ADAMTS17: variants seen among roughly 807,000 people sequenced by gnomAD.
ADAMTS17 encodes ADAM metallopeptidase with thrombospondin type 1 motif 17, also known as A disintegrin and metalloproteinase with thrombospondin motifs 17.
A neutral mutation model predicts 141.5 loss-of-function variants in ADAMTS17; 113 were observed. The ratio of observed to expected loss-of-function variants is 0.80; its 90% CI spans 0.69 to 0.93. The LOEUF (loss-of-function observed/expected upper bound fraction) is 0.93. Ranked by LOEUF, ADAMTS17 falls within the 40% of genes least tolerant of loss-of-function variation. The pLI is 0.00. For synonymous variants in ADAMTS17, 768 were observed against 630.6 expected (o/e 1.22, Z -3.27); for missense variants, 1,659 against 1,517.9 (o/e 1.09, Z -1.54).
At position 100,140,452 on chromosome 15, in the gene ADAMTS17, GAC is replaced by G. The variant is rs140696533; in HGVS notation, c.1474-7139_1474-7138del. 3.5e-3 allele frequency among the ~76,000 whole-genome samples: 461 copies of G among 131,648 alleles called. 2 individuals are homozygous for G. The highest frequency in any genetic ancestry group is 0.011 in the African/African-American group (389 of 36,486). 86.4% of individuals were successfully genotyped at this position (131,648 alleles called of 152,430 possible). A position where few individuals can be genotyped will look rare whatever the true frequency, so the allele number is the denominator to read the frequency against. On this transcript the variant is annotated intron_variant, in intron 10 of 21. Coordinates refer to ENST00000268070, the MANE Select transcript of ADAMTS17 (RefSeq NM_139057.4). ...CTACACTAGTCCTGACTAACTCCAA[GAC>G]ACACACACACACACAGACACACACA...
intron 4 of ADAMTS17, among the ~76,000 whole-genome samples, chr15:100,264,857 G>A (rs1017416616): frequency 4.6e-5 from 7 of 152,218 alleles, no homozygotes; most frequent in African/African-American, 1.7e-4. Flanking sequence ...CAGAGTTTCC[G>A]TTTTGCAAGA....
At position 100,028,218 on chromosome 15, in the gene ADAMTS17, C is replaced by T. The variant is rs536656495; in HGVS notation, c.2591+20639G>A. ...GCGCAGAATGTTCTCATTAAACCCT[C>T]GCACATTTGGGGCACTCATGCAGCC... On this transcript the variant is annotated intron_variant, in intron 18 of 21. Transcript: ENST00000268070. Among the ~76,000 whole-genome samples the T allele has an allele frequency of 5.5e-4, 84 of 152,334 alleles. 1 individual carries two copies. Among genetic ancestry groups the T allele is most frequent in the African/African-American group, 2.4e-5 (1 of 41,560 alleles).
chr15:100,280,295 C>T (rs1365422223), intron 4 of ADAMTS17, among the ~76,000 whole-genome samples: 1 of 152,084 alleles, frequency 6.6e-6, no homozygotes, highest in Non-Finnish European at 1.5e-5. Flanking sequence ...TTTCTCTTGC[C>T]TCCTCTTCCT....
intron 2 of ADAMTS17, among the ~76,000 whole-genome samples, chr15:100,334,304 C>T (rs746220626): frequency 5.3e-5 from 8 of 152,186 alleles, no homozygotes; most frequent in Admixed American, 2.0e-4. Context: ...TGCTTCAAAG[C>T]AGCATGCCTC....
At position 99,997,686 on chromosome 15, in the gene ADAMTS17, T is replaced by C; in HGVS notation, c.2592-97A>G. ...GGATCCTGGAATTGCTGCCCTGTGG[T>C]GGGAGAGAGGGAGGCAGACTCAGGA... On this transcript the variant is annotated intron_variant, in intron 18 of 21. Transcript: ENST00000268070. The surrounding 1 kb of genome is among the most constrained non-coding windows in gnomAD (Gnocchi z 4.7). The C allele has an allele frequency of 2.0e-6, 3 of 1,488,360 alleles. No homozygotes were observed. In the Middle Eastern group the frequency reaches 7.1e-4, roughly 351 times the overall value. The allele number at this position is 1,488,360 out of a possible 1,614,324, so 92.2% of individuals were successfully genotyped here. A position where few individuals can be genotyped will look rare whatever the true frequency, so the allele number is the denominator to read the frequency against.
At chr15:100,270,220 T>C (rs1052563015) in intron 4 of ADAMTS17, among the ~76,000 whole-genome samples, 1 of 152,004 alleles carries the variant, frequency 6.6e-6, no homozygotes, top group African/African-American at 2.4e-5. Flanking sequence ...TTCAATAGGG[T>C]GTGGATGAGA....
chr15:100,004,276 C>T (rs1222529708), intron 18 of ADAMTS17, among the ~76,000 whole-genome samples: 1 of 152,234 alleles, frequency 6.6e-6, no homozygotes, highest in Non-Finnish European at 1.5e-5. Flanking sequence ...CTTTTTGCTT[C>T]TGATCTTGAC....
At chr15:100,155,470 C>A (rs1253081230) in intron 8 of ADAMTS17, 150 bp from the exon 9 acceptor site, 17 of 1,098,364 alleles carry the variant, frequency 1.5e-5, no homozygotes, top group Non-Finnish European at 2.3e-5. Context: ...GACCCACAGT[C>A]ATGTGTTTTC....
chr15:100,273,450 G>C (rs1401536128), intron 4 of ADAMTS17, among the ~76,000 whole-genome samples: 1 of 152,040 alleles, frequency 6.6e-6, no homozygotes, highest in Non-Finnish European at 1.5e-5. Flanking sequence ...CTAGGAATTT[G>C]TCCACTTCAT....
At chr15:100,134,103 G>C (rs771384977) in intron 10 of ADAMTS17, among the ~76,000 whole-genome samples, 1 of 152,202 alleles carries the variant, frequency 6.6e-6, no homozygotes, top group Non-Finnish European at 1.5e-5. Flanking sequence ...CTCTCTGAAG[G>C]AACCACATGC....
At chr15:100,054,216 G>T (rs1471138787) in intron 15 of ADAMTS17, among the ~76,000 whole-genome samples, 162 bp from the exon 16 acceptor site, 1 of 152,150 alleles carries the variant, frequency 6.6e-6, no homozygotes, top group African/African-American at 2.4e-5. Flanking sequence ...TCTGTATACT[G>T]AGAACAAAAG....
At chr15:100,160,023 C>T (rs1032099935) in intron 8 of ADAMTS17, among the ~76,000 whole-genome samples, 2 of 151,260 alleles carry the variant, frequency 1.3e-5, no homozygotes, top group African/African-American at 4.9e-5. Context: ...CCCTCAAATA[C>T]CCCACTCAGA....
intron 15 of ADAMTS17, among the ~76,000 whole-genome samples, chr15:100,082,693 G>C (rs1369827531): frequency 6.7e-6 from 1 of 149,284 alleles, no homozygotes; most frequent in Admixed American, 6.7e-5. Context: ...TTGTGGCTAC[G>C]ATATCATCTT....
At chr15:100,249,062 G>C (rs530601214) in intron 7 of ADAMTS17, among the ~76,000 whole-genome samples, 1 of 152,052 alleles carries the variant, frequency 6.6e-6, no homozygotes, top group Non-Finnish European at 1.5e-5. Context: ...GCCTCCCAAA[G>C]TGATGGGATT....
intron 17 of ADAMTS17, among the ~76,000 whole-genome samples, chr15:100,049,986 A>G (rs2032015837): frequency 6.6e-6 from 1 of 152,176 alleles, no homozygotes; most frequent in South Asian, 2.1e-4. Flanking sequence ...GAGTGACAAT[A>G]AAAGATTAAT....
At chr15:100,078,092 T>C (rs1222792477) in intron 15 of ADAMTS17, among the ~76,000 whole-genome samples, 2 of 152,186 alleles carry the variant, frequency 1.3e-5, no homozygotes, top group Non-Finnish European at 2.9e-5. Flanking sequence ...TGAAAGGTAT[T>C]AACAAATATC....
intron 3 of ADAMTS17, among the ~76,000 whole-genome samples, chr15:100,283,069 T>G (rs571345814): frequency 1.4e-4 from 22 of 151,996 alleles, no homozygotes; most frequent in African/African-American, 5.3e-4. Context: ...GAAATATCAT[T>G]GAGTTTGAGA....
At chr15:100,072,575 T>C (rs9796548) in intron 15 of ADAMTS17, among the ~76,000 whole-genome samples, 132,577 of 151,864 alleles carry the variant, frequency 0.87, 58,700 homozygotes, top group South Asian at 0.97. Flanking sequence ...ACCAATGGAA[T>C]AGAACAGAGC....
At chr15:100,083,941 C>T (rs568584371) in intron 15 of ADAMTS17, among the ~76,000 whole-genome samples, 6 of 152,040 alleles carry the variant, frequency 3.9e-5, no homozygotes, top group African/African-American at 1.4e-4. Context: ...GTGATTTCTG[C>T]ATTTCCAACT....
Sources: gnomAD v4.1 joint callset for allele counts (sites outside exome capture counted in the v4.1 genomes callset) on GRCh38, gnomAD v4.1.1 for gene constraint, Gnocchi (gnomAD v3.1) non-coding constraint, MANE v1.5 for transcripts, NCBI Gene and HGNC (gene_info 2026-07-23, HGNC 2026-07-21) for gene names.